Variants in RAVER2 observed in about 807,000 individuals in gnomAD.
RAVER2 encodes the protein ribonucleoprotein PTB-binding 2.
In RAVER2, 46 loss-of-function variants were observed where a neutral mutation model predicts 78.1. The observed-to-expected ratio is 0.59, with a 90% confidence interval of 0.46 to 0.75. The LOEUF is 0.75. Among genes scored for constraint, RAVER2 ranks in the 30% least tolerant of loss-of-function variants. The probability of loss-of-function intolerance (pLI) is 0.00; values close to 1 mark genes in which losing one functional copy is unlikely to be tolerated. For missense variants in RAVER2, 793 were observed against 837.5 expected, an observed-to-expected ratio of 0.95 and a Z score of 0.66; for synonymous variants, 311 against 313.3, an observed-to-expected ratio of 0.99 and a Z score of 0.08.
chr1:64,748,157 G>A (rs1353640551), intron 1 of RAVER2, among the ~76,000 whole-genome samples: 3 of 152,130 alleles, frequency 2.0e-5, no homozygotes, highest in African/African-American at 7.2e-5. Context: ...AAAAAAAAGT[G>A]AACACCTTTA....
At chr1:64,778,733 T>G (rs1400457045) in intron 3 of RAVER2, among the ~76,000 whole-genome samples, 2 of 149,190 alleles carry the variant, frequency 1.3e-5, no homozygotes, top group Admixed American at 1.3e-4. Flanking sequence ...ACACTTTTCC[T>G]TACAGAGTTT....
intron 1 of RAVER2, among the ~76,000 whole-genome samples, chr1:64,761,313 T>C (rs924068795): frequency 3.9e-5 from 6 of 152,188 alleles, no homozygotes; most frequent in African/African-American, 1.4e-4. Flanking sequence ...TCATATATGA[T>C]AGGACTGCGT....
intron 2 of RAVER2, among the ~76,000 whole-genome samples, chr1:64,769,274 A>G (rs1477260623): frequency 1.3e-5 from 2 of 152,074 alleles, no homozygotes; most frequent in African/African-American, 4.8e-5. Flanking sequence ...GTATGTACAT[A>G]GCTAGAGCCC....
At chr1:64,788,831 C>T (rs1322217616) in intron 4 of RAVER2, among the ~76,000 whole-genome samples, 1 of 151,436 alleles carries the variant, frequency 6.6e-6, no homozygotes, top group African/African-American at 2.4e-5. Context: ...TGTAAGGCAA[C>T]CCACATTGTT....
chr1:64,804,798 A>G, exon 7 of RAVER2: 1 of 1,558,440 alleles, frequency 6.4e-7, no homozygotes, highest in Non-Finnish European at 8.9e-7. Flanking sequence ...CCACTGGCAC[A>G]ACAACAATTA....
chr1:64,782,431 T>C (rs1271927149), intron 4 of RAVER2, among the ~76,000 whole-genome samples: 1 of 152,172 alleles, frequency 6.6e-6, no homozygotes, highest in Non-Finnish European at 1.5e-5. Flanking sequence ...TTTGAAGGAA[T>C]TGGGAAAGAC....
At chr1:64,827,167 G>GA (rs1654021571) in intron 11 of RAVER2, among the ~76,000 whole-genome samples, 1 of 152,310 alleles carries the variant, frequency 6.6e-6, no homozygotes, top group East Asian at 1.9e-4. Context: ...GGTAAGTAAA[G>GA]ACACCAGGGG....
intron 4 of RAVER2, among the ~76,000 whole-genome samples, chr1:64,784,316 G>A (rs1652718710): frequency 6.6e-6 from 1 of 152,158 alleles, no homozygotes; most frequent in Non-Finnish European, 1.5e-5. Flanking sequence ...GTTTGAGGCT[G>A]CAGTGAGCCA....
At chr1:64,808,618 T>C (rs1653513563) in intron 9 of RAVER2, among the ~76,000 whole-genome samples, 1 of 151,892 alleles carries the variant, frequency 6.6e-6, no homozygotes, top group African/African-American at 2.4e-5. Flanking sequence ...CACACCGCCA[T>C]ACCTGGCTGA....
chr1:64,808,455 C>CATTTTT (rs1653505937), intron 9 of RAVER2, among the ~76,000 whole-genome samples: 1 of 122,712 alleles, frequency 8.1e-6, no homozygotes, highest in African/African-American at 3.2e-5. Context: ...CTAATGCAGT[C>CATTTTT]CTTTTTTTTT....
chr1:64,779,864 T>C (rs910503584), intron 3 of RAVER2, among the ~76,000 whole-genome samples: 30 of 151,730 alleles, frequency 2.0e-4, no homozygotes, highest in Non-Finnish European at 2.9e-5. Flanking sequence ...TATTTTTGAG[T>C]GACCATTTAG....
At chr1:64,764,350 A>T (rs1652115520) in intron 1 of RAVER2, among the ~76,000 whole-genome samples, 2 of 152,066 alleles carry the variant, frequency 1.3e-5, no homozygotes, top group Admixed American at 1.3e-4. Context: ...TATAGGAAAA[A>T]AAAAAACTAT....
intron 5 of RAVER2, among the ~76,000 whole-genome samples, chr1:64,792,731 G>A (rs756409436): frequency 3.4e-4 from 51 of 152,162 alleles, no homozygotes; most frequent in Non-Finnish European, 7.3e-5. Flanking sequence ...CACATACATA[G>A]CTGGAAAATG....
At chr1:64,765,487 T>TA (rs1438900251) in intron 1 of RAVER2, among the ~76,000 whole-genome samples, 1 of 152,198 alleles carries the variant, frequency 6.6e-6, no homozygotes, top group African/African-American at 2.4e-5. Context: ...ATATTGAGTC[T>TA]AAGAATCAAG....
At chr1:64,832,664 A>G (rs1654186487) in exon 12 of RAVER2, 1 of 152,166 alleles carries the variant, frequency 6.6e-6, no homozygotes, top group African/African-American at 2.4e-5. Flanking sequence ...CACTTGGTCT[A>G]ATTTATTGCA....
At chr1:64,777,458 T>C (rs1288635287) in intron 2 of RAVER2, among the ~76,000 whole-genome samples, 165 bp from the exon 3 acceptor site, 1 of 152,114 alleles carries the variant, frequency 6.6e-6, no homozygotes, top group African/African-American at 2.4e-5. Context: ...TGAAATAGAA[T>C]AAAAAATGTC....
chr1:64,746,641 GC>G (rs1158632173), intron 1 of RAVER2, among the ~76,000 whole-genome samples: 2 of 152,164 alleles, frequency 1.3e-5, no homozygotes, highest in Non-Finnish European at 2.9e-5. Flanking sequence ...GGCATGGGGG[GC>G]TATTTTGTTT....
chr1:64,807,277 C>T, exon 9 of RAVER2: 1 of 1,614,114 alleles, frequency 6.2e-7, no homozygotes, highest in Non-Finnish European at 8.5e-7. Flanking sequence ...TCCAAATCAG[C>T]ACATTGCTGG....
intron 8 of RAVER2, among the ~76,000 whole-genome samples, chr1:64,805,694 T>A (rs1653398680): frequency 6.6e-6 from 1 of 152,152 alleles, no homozygotes; most frequent in Admixed American, 6.5e-5. Flanking sequence ...TAATTGAAAT[T>A]TGCTTAGAAG....
Sources: gnomAD v4.1 joint callset for allele counts (sites outside exome capture counted in the v4.1 genomes callset) on GRCh38, gnomAD v4.1.1 for gene constraint, MANE v1.5 for transcripts, NCBI Gene and HGNC (gene_info 2026-07-23, HGNC 2026-07-21) for gene names.